The following DCUN1D4 variants were observed in gnomAD, a reference collection of about 807,000 sequenced individuals.
DCUN1D4 encodes the protein DCN1-like protein 4.
DCUN1D4 carries 22 observed loss-of-function variants against 47.9 expected under a neutral mutation model. The observed-to-expected ratio is 0.46, with a 90% CI of 0.33 to 0.66. The LOEUF (loss-of-function observed/expected upper bound fraction) is 0.66. DCUN1D4 is among the 30% of genes least tolerant of loss of function. DCUN1D4 has a pLI of 0.02. For synonymous variants in DCUN1D4, 121 were observed against 112.2 expected (o/e 1.08, Z -0.50); for missense variants, 301 against 340.8 (o/e 0.88, Z 0.92).
intron 3 of DCUN1D4, among the ~76,000 whole-genome samples, chr4:51,873,926 G>A (rs531199417): frequency 1.5e-4 from 23 of 152,208 alleles, no homozygotes; most frequent in Non-Finnish European, 3.1e-4. Flanking sequence ...GTGTACATGA[G>A]ATAGCACTGC....
intron 1 of DCUN1D4, among the ~76,000 whole-genome samples, chr4:51,863,216 T>G (rs1411577976): frequency 6.6e-6 from 1 of 152,200 alleles, no homozygotes; most frequent in African/African-American, 2.4e-5. Context: ...TACCTTAGAA[T>G]TCACATGAAA....
intron 1 of DCUN1D4, among the ~76,000 whole-genome samples, chr4:51,861,355 G>A (rs1725017286): frequency 6.6e-6 from 1 of 152,132 alleles, no homozygotes; most frequent in African/African-American, 2.4e-5. Context: ...TTGTGGAGTG[G>A]GGTGGTGAAA....
the DCUN1D4 span, among the ~76,000 whole-genome samples, chr4:51,834,103 C>CT: frequency 8.5e-4 from 36 of 42,566 alleles, 2 homozygotes; most frequent in Admixed American, 1.2e-3. Flanking sequence ...TTTCTTCTTT[C>CT]TTTTTTTTTT....
At chr4:51,839,151 G>A (rs1721567216), upstream of DCUN1D4, among the ~76,000 whole-genome samples, 1 of 149,988 alleles carries the variant, frequency 6.7e-6, no homozygotes, top group Non-Finnish European at 1.5e-5. Context: ...GGGAAGGAAG[G>A]AAGGAAGGAA....
chr4:51,905,907 G>C (rs1430320492), intron 8 of DCUN1D4, among the ~76,000 whole-genome samples: 1 of 152,084 alleles, frequency 6.6e-6, no homozygotes, highest in Admixed American at 6.6e-5. Flanking sequence ...TTTGAGAGGA[G>C]CCCTGGTGGA....
intron 8 of DCUN1D4, among the ~76,000 whole-genome samples, chr4:51,905,551 AT>A (rs1359642365): frequency 6.6e-6 from 1 of 152,174 alleles, no homozygotes; most frequent in Non-Finnish European, 1.5e-5. Flanking sequence ...TAAAGCAGCC[AT>A]TTTTCCTTGC....
the DCUN1D4 span, among the ~76,000 whole-genome samples, chr4:51,835,756 CTG>C: frequency 1.3e-5 from 2 of 152,160 alleles, no homozygotes; most frequent in Admixed American, 1.3e-4. Context: ...CAAAGGAAGA[CTG>C]TGGGTGGGGG....
chr4:51,836,804 A>C, the DCUN1D4 span, among the ~76,000 whole-genome samples: 429 of 152,230 alleles, frequency 2.8e-3, 2 homozygotes, highest in African/African-American at 0.01. Flanking sequence ...CCACTCTCCC[A>C]GAATGCTTCA....
At chr4:51,899,500 C>A (rs1470885748) in intron 8 of DCUN1D4, 122 bp downstream of exon 8, 1 of 1,471,424 alleles carries the variant, frequency 6.8e-7, no homozygotes, top group Admixed American at 3.2e-5. Context: ...TCCCAGGATG[C>A]TAGTTAGTAT....
At chr4:51,858,706 T>C (rs1724531440) in intron 1 of DCUN1D4, among the ~76,000 whole-genome samples, 1 of 152,264 alleles carries the variant, frequency 6.6e-6, no homozygotes, top group South Asian at 2.1e-4. Flanking sequence ...CTTGCACACA[T>C]AGTATAACAT....
intron 1 of DCUN1D4, among the ~76,000 whole-genome samples, chr4:51,851,399 G>A (rs990262135): frequency 2.2e-4 from 33 of 152,204 alleles, no homozygotes; most frequent in African/African-American, 7.5e-4. Flanking sequence ...TGAAGAACAG[G>A]ATGTGTATGC....
At chr4:51,873,245 G>C (rs890651421) in intron 3 of DCUN1D4, among the ~76,000 whole-genome samples, 1 of 152,160 alleles carries the variant, frequency 6.6e-6, no homozygotes, top group Non-Finnish European at 1.5e-5. Context: ...TCACTCCTGA[G>C]ACCTCAGGAG....
chr4:51,871,729 CTT>C (rs892709758), intron 3 of DCUN1D4, among the ~76,000 whole-genome samples: 1 of 152,224 alleles, frequency 6.6e-6, no homozygotes, highest in Admixed American at 6.5e-5. Flanking sequence ...GCAGGGCAAA[CTT>C]TTTCCTTCTG....
rs772659690 is a variant in DCUN1D4 at position 51,863,479 on chromosome 4, A to G, written c.68A>G (p.His23Arg). 4.5e-5 allele frequency: 72 copies of G among 1,613,040 alleles called. No homozygotes were observed. Among genetic ancestry groups the G allele is most frequent in the Non-Finnish European group, 5.4e-5 (64 of 1,179,574 alleles). ...CATCTCTCAACACTGGCAAATATTCATAAGATCTACCACACCCTTAATAAG... is the reference window on the plus strand; with the variant it reads ...CATCTCTCAACACTGGCAAATATTCGTAAGATCTACCACACCCTTAATAAG... ...NSHLSTLANI[H>R]KIYHTLNKLN... Residue 23 changes from histidine (H) to arginine (R), a missense_variant, in exon 2 of 11, where the codon CAT becomes CGT. His to Arg is a conservative substitution (Grantham distance 29, BLOSUM62 0). Transcript: ENST00000334635.
chr4:51,861,911 C>T (rs1005218781), intron 1 of DCUN1D4, among the ~76,000 whole-genome samples: 2 of 147,220 alleles, frequency 1.4e-5, no homozygotes, highest in Non-Finnish European at 3.0e-5. Flanking sequence ...CTTCTAGCTT[C>T]TACCCCTGTT....
At chr4:51,883,166 ACAGT>A (rs1021423245) in intron 5 of DCUN1D4, among the ~76,000 whole-genome samples, 8 of 152,230 alleles carry the variant, frequency 5.3e-5, no homozygotes, top group South Asian at 2.1e-4. Flanking sequence ...ATTACCAGAC[ACAGT>A]CAGTGAAAAA....
chr4:51,838,593 G>A (rs761843851), upstream of DCUN1D4, among the ~76,000 whole-genome samples: 1 of 152,020 alleles, frequency 6.6e-6, no homozygotes. Context: ...TGTTGGCCCA[G>A]ACTGGTATCA....
At chr4:51,875,437 A>T (rs1332176181) in intron 4 of DCUN1D4, 1 of 152,222 alleles carries the variant, frequency 6.6e-6, no homozygotes, top group Non-Finnish European at 1.5e-5. Context: ...TAGTATGATA[A>T]AGCCAGATTT....
At chr4:51,908,781 T>C (rs1381939076) in intron 8 of DCUN1D4, 1 of 411,884 alleles carries the variant, frequency 2.4e-6, no homozygotes, top group Non-Finnish European at 5.0e-6. Flanking sequence ...TCGACTGTTG[T>C]TCCCGGGAAT....
Sources: gnomAD v4.1 joint callset for allele counts (sites outside exome capture counted in the v4.1 genomes callset) on GRCh38, gnomAD v4.1.1 for gene constraint, MANE v1.5 for transcripts, NCBI Gene and HGNC (gene_info 2026-07-23, HGNC 2026-07-21) for gene names.